Variants in TAOK1 observed in about 807,000 individuals in gnomAD.
TAOK1 encodes TAO kinase 1.
TAOK1 carries 21 observed loss-of-function variants against 138.3 expected under a neutral mutation model. The observed-to-expected ratio is 0.15, with a 90% CI of 0.11 to 0.22. The LOEUF (loss-of-function observed/expected upper bound fraction) is 0.22. TAOK1 is among the 10% of genes least tolerant of loss of function. The pLI is 1.00. For synonymous variants in TAOK1, 361 were observed against 398.4 expected (o/e 0.91, Z 1.12); for missense variants, 651 against 1,227.7 (o/e 0.53, Z 7.02).
chr17:29,514,997 T>TAAAAAAAAA (rs33933134), intron 15 of TAOK1: 1 of 101,984 alleles, frequency 9.8e-6, no homozygotes, highest in Non-Finnish European at 1.9e-5. Context: ...AAATTCGATC[T>TAAAAAAAAA]AAAAAAAAAA....
chr17:29,401,736 C>T (rs1181038717), intron 1 of TAOK1, among the ~76,000 whole-genome samples: 1 of 151,760 alleles, frequency 6.6e-6, no homozygotes, highest in East Asian at 1.9e-4. Flanking sequence ...CTTGCTGAAA[C>T]CTCTGCCTCT....
chr17:29,399,682 C>A (rs2153019988), intron 1 of TAOK1, among the ~76,000 whole-genome samples: 1 of 152,180 alleles, frequency 6.6e-6, no homozygotes. Flanking sequence ...ATCAAGGTAG[C>A]TTAGTAACTT....
intron 19 of TAOK1, among the ~76,000 whole-genome samples, chr17:29,538,110 CAAAAAAAA>C (rs752543117): frequency 1.5e-5 from 1 of 65,372 alleles, no homozygotes; most frequent in Non-Finnish European, 2.7e-5. Context: ...GACTCCATCT[CAAAAAAAA>C]AAAAAAAAAA....
rs916009829 is a variant in TAOK1, at chr17:29,543,833, T to C, written c.*811T>C. On this transcript the variant is annotated 3_prime_UTR_variant, in exon 20 of 20. Transcript: ENST00000261716. ...AAGGAGATCACAAGTTGTGTGAGGATTGCATTAACAAACCTATGAGCCTTC... is the reference window on the plus strand; with the variant it reads ...AAGGAGATCACAAGTTGTGTGAGGACTGCATTAACAAACCTATGAGCCTTC... 6.6e-6 allele frequency: 1 copy of C among 152,186 alleles called. No individual in the cohort carries two copies. The highest frequency in any genetic ancestry group is 2.4e-5 in the African/African-American group (1 of 41,440). The allele number at this position is 152,186 out of a possible 1,614,324, so 9.4% of individuals were successfully genotyped here.
At chr17:29,434,767 C>T (rs1241949794) in intron 1 of TAOK1, among the ~76,000 whole-genome samples, 1 of 152,180 alleles carries the variant, frequency 6.6e-6, no homozygotes, top group South Asian at 2.1e-4. Context: ...CGCTCACCTG[C>T]AATGTGCCTT....
intron 2 of TAOK1, among the ~76,000 whole-genome samples, chr17:29,454,928 T>G (rs530929489): frequency 6.6e-6 from 1 of 152,046 alleles, no homozygotes; most frequent in African/African-American, 2.4e-5. Flanking sequence ...GTATTTTTTG[T>G]TTTTTGTTGA....
At chr17:29,424,845 A>G (rs967162755) in intron 1 of TAOK1, 7 of 152,252 alleles carry the variant, frequency 4.6e-5, no homozygotes, top group African/African-American at 1.7e-4. Context: ...GGTTTTTAGT[A>G]TATGTGCTGC....
chr17:29,517,317 G>A (rs112982939), intron 15 of TAOK1, 136 bp from the exon 16 acceptor site: 24 of 728,872 alleles, frequency 3.3e-5, no homozygotes, highest in Middle Eastern at 4.1e-4. Flanking sequence ...AGACAGTTTC[G>A]CCATGTTGGC....
At chr17:29,467,803 T>TTTTATTTA (rs560669780) in intron 3 of TAOK1, among the ~76,000 whole-genome samples, 1 of 151,624 alleles carries the variant, frequency 6.6e-6, no homozygotes, top group African/African-American at 2.4e-5. Flanking sequence ...CTGCTTTTAT[T>TTTTATTTA]TTTATTTATT....
chr17:29,415,443 C>T lies in TAOK1; in HGVS notation c.-95+24419C>T, dbSNP rs886676470. Among the ~76,000 whole-genome samples, 4 of 152,278 alleles carry T rather than the reference C, an allele frequency of 2.6e-5. No individual in the cohort carries two copies. The East Asian group carries it at 7.7e-4, about 29-fold the overall frequency. Reference sequence around the variant, plus strand: ...CCACCTATTTTCCATAGTTGCTGAACCATTTTACATTACCACCAAAAATAT... The same window carrying T: ...CCACCTATTTTCCATAGTTGCTGAATCATTTTACATTACCACCAAAAATAT... On this transcript the variant is annotated intron_variant, in intron 1 of 19. Transcript: ENST00000261716.
intron 1 of TAOK1, among the ~76,000 whole-genome samples, chr17:29,413,879 T>TTA (rs1905202570): frequency 8.5e-6 from 1 of 117,446 alleles, no homozygotes; most frequent in African/African-American, 3.7e-5. Flanking sequence ...TGTTTCTGGC[T>TTA]TCTTTTTTTT....
At chr17:29,518,483 TCAAA>T (rs1169291315) in intron 16 of TAOK1, among the ~76,000 whole-genome samples, 3 of 152,180 alleles carry the variant, frequency 2.0e-5, no homozygotes, top group East Asian at 1.9e-4. Context: ...AGACCCTGTC[TCAAA>T]CAGACAGACA....
chr17:29,406,990 T>C (rs1905009157), intron 1 of TAOK1, among the ~76,000 whole-genome samples: 1 of 152,184 alleles, frequency 6.6e-6, no homozygotes, highest in African/African-American at 2.4e-5. Context: ...AAGAACAAGA[T>C]AGAGAACATT....
intron 1 of TAOK1, 64 bp from the exon 2 acceptor site, chr17:29,451,391 C>A (rs2030231318): frequency 1.7e-5 from 13 of 770,384 alleles, no homozygotes; most frequent in Non-Finnish European, 2.6e-5. Flanking sequence ...CAGTATATGA[C>A]CTTATACTAA....
In TAOK1 at chr17:29,402,156, G is replaced by C. The variant is rs76625727; in HGVS notation, c.-95+11132G>C. 4.8e-3 allele frequency among the ~76,000 whole-genome samples: 732 copies of C among 152,224 alleles called. 32 individuals carry two copies. In the East Asian group the frequency reaches 0.11, roughly 24 times the overall value. ...GAGATAGCAAGGACTTTGCCTAAAA[G>C]GTCCTGGGCAGGGTACCAGTAGTTT... On this transcript the variant is annotated intron_variant, in intron 1 of 19. Transcript: ENST00000261716.
At chr17:29,409,034 G>A (rs956438836) in intron 1 of TAOK1, among the ~76,000 whole-genome samples, 1 of 151,900 alleles carries the variant, frequency 6.6e-6, no homozygotes, top group South Asian at 2.1e-4. Context: ...TTCTATTGCT[G>A]TATATGAGAT....
intron 2 of TAOK1, among the ~76,000 whole-genome samples, chr17:29,461,199 C>T (rs1369641559): frequency 6.6e-6 from 1 of 152,124 alleles, no homozygotes; most frequent in Admixed American, 6.5e-5. Context: ...CTGTAAAGAG[C>T]ATTACTCAAA....
chr17:29,399,572 C>T lies in TAOK1; in HGVS notation c.-95+8548C>T, dbSNP rs376611496. On this transcript the variant is annotated intron_variant, in intron 1 of 19. Transcript: ENST00000261716. ...CCTCGTGATCTGCCCGCCTTGGCCT[C>T]CCAAAGTGCTGGGATTACAGGCGTG... is the stretch of plus-strand genomic sequence containing the variant. 1.3e-4 allele frequency among the ~76,000 whole-genome samples: 20 copies of T among 152,298 alleles called. No individual in the cohort carries two copies. In the South Asian group the frequency reaches 2.3e-3, roughly 17 times the overall value.
intron 1 of TAOK1, among the ~76,000 whole-genome samples, chr17:29,426,078 C>T (rs1905629132): frequency 6.6e-6 from 1 of 152,104 alleles, no homozygotes; most frequent in Non-Finnish European, 1.5e-5. Context: ...GACGGGGTTT[C>T]ACTGTGTTAG....
Sources: gnomAD v4.1 joint callset for allele counts (sites outside exome capture counted in the v4.1 genomes callset) on GRCh38, gnomAD v4.1.1 for gene constraint, MANE v1.5 for transcripts, NCBI Gene and HGNC (gene_info 2026-07-23, HGNC 2026-07-21) for gene names.